ZC3H12B: variants seen among roughly 807,000 people sequenced by gnomAD.
ZC3H12B encodes probable ribonuclease ZC3H12B.
In ZC3H12B, 7 loss-of-function variants were observed where a neutral mutation model predicts 43.9. The observed-to-expected ratio is 0.16, with a 90% CI of 0.09 to 0.30. ZC3H12B has a LOEUF of 0.30. Ranked by LOEUF, ZC3H12B falls within the 10% of genes least tolerant of loss-of-function variation. The probability of loss-of-function intolerance (pLI) is 1.00; values close to 1 mark genes in which losing one functional copy is unlikely to be tolerated. For synonymous variants in ZC3H12B, 222 were observed against 241.7 expected (o/e 0.92, Z 0.76); for missense variants, 475 against 670.2 (o/e 0.71, Z 3.22).
At chrX:65,440,789 A>AT (rs1569409528) in intron 3 of ZC3H12B, among the ~76,000 whole-genome samples, 1 of 111,982 alleles carries the variant, frequency 8.9e-6, no homozygotes, top group Non-Finnish European at 1.9e-5. Context: ...CATTTACCTG[A>AT]TTTTTTCTTA....
At chrX:65,333,212 C>A in the ZC3H12B span, among the ~76,000 whole-genome samples, 1 of 111,415 alleles carries the variant, frequency 9.0e-6, no homozygotes, top group Non-Finnish European at 1.9e-5. Flanking sequence ...TACCAAGGGG[C>A]TTTTATTGGC....
chrX:65,080,412 G>A, the ZC3H12B span, among the ~76,000 whole-genome samples: 1 of 110,119 alleles, frequency 9.1e-6, no homozygotes, highest in Non-Finnish European at 1.9e-5. Flanking sequence ...ACTGAAAGAA[G>A]ACTACCTCAA....
intron 3 of ZC3H12B, among the ~76,000 whole-genome samples, chrX:65,411,798 G>A (rs187927501): frequency 8.2e-5 from 9 of 109,527 alleles, no homozygotes; most frequent in African/African-American, 2.6e-4. Flanking sequence ...AAGGATAAAT[G>A]CTTGAGTGGA....
the ZC3H12B span, among the ~76,000 whole-genome samples, chrX:65,092,993 G>A: frequency 8.9e-6 from 1 of 111,761 alleles, no homozygotes; most frequent in African/African-American, 3.3e-5. Flanking sequence ...ATGGTTTCAT[G>A]AGCCAGGCCC....
the ZC3H12B span, among the ~76,000 whole-genome samples, chrX:65,209,684 T>C: frequency 9.1e-6 from 1 of 110,312 alleles, no homozygotes; most frequent in East Asian, 2.8e-4. Context: ...TTCGCTACAG[T>C]AACCAAAACA....
the ZC3H12B span, among the ~76,000 whole-genome samples, chrX:65,335,005 CAG>C: frequency 1.8e-5 from 2 of 111,636 alleles, no homozygotes; most frequent in African/African-American, 6.5e-5. Flanking sequence ...TCCGAACGTG[CAG>C]AGAGTGGAGT....
At chrX:65,348,283 A>T in the ZC3H12B span, among the ~76,000 whole-genome samples, 1 of 111,851 alleles carries the variant, frequency 8.9e-6, no homozygotes, top group Non-Finnish European at 1.9e-5. Context: ...AGCTAAGGAG[A>T]AATAAAATCT....
At chrX:65,258,122 G>C in the ZC3H12B span, among the ~76,000 whole-genome samples, 3 of 111,193 alleles carry the variant, frequency 2.7e-5, no homozygotes, top group African/African-American at 9.8e-5. Context: ...GATGAACATA[G>C]ATGCAAAATC....
the ZC3H12B span, chrX:65,186,342 A>G: frequency 9.2e-6 from 1 of 108,963 alleles, no homozygotes; most frequent in African/African-American, 3.3e-5. Context: ...AAAACACAAA[A>G]TTAGTCGGGC....
chrX:65,212,095 ATAG>A, the ZC3H12B span, among the ~76,000 whole-genome samples: 1 of 60,276 alleles, frequency 1.7e-5, no homozygotes, highest in African/African-American at 6.9e-5. Flanking sequence ...TGTATAATAT[ATAG>A]TATATATTGT....
At chrX:65,075,162 G>A in the ZC3H12B span, among the ~76,000 whole-genome samples, 2 of 111,966 alleles carry the variant, frequency 1.8e-5, no homozygotes, top group Non-Finnish European at 3.8e-5. Context: ...TTCTTCTCTG[G>A]ACTTGTATAT....
At chrX:65,302,423 A>G in the ZC3H12B span, among the ~76,000 whole-genome samples, 1 of 111,811 alleles carries the variant, frequency 8.9e-6, no homozygotes, top group East Asian at 2.8e-4. Flanking sequence ...ATTAGCACCC[A>G]ATAAATAAAA....
Position 65,377,819 on chromosome X carries a change from G to A in ZC3H12B, n.295+8821G>A, listed in dbSNP as rs775389783. On this transcript the variant is annotated intron_variant and non_coding_transcript_variant, in intron 2 of 5. Transcript: ENST00000617377. ...GTGAGCAATAAGAAATCATCTGGAGGTCAGTCACAGCAGCTCAGCCTGTAA... is the reference window on the plus strand; with the variant it reads ...GTGAGCAATAAGAAATCATCTGGAGATCAGTCACAGCAGCTCAGCCTGTAA... 4.5e-5 allele frequency among the ~76,000 whole-genome samples: 5 copies of A among 111,508 alleles called. No homozygotes were observed. In the East Asian group the frequency reaches 1.4e-3, roughly 31 times the overall value.
the ZC3H12B span, among the ~76,000 whole-genome samples, chrX:65,148,064 G>T: frequency 9.0e-6 from 1 of 110,675 alleles, no homozygotes; most frequent in Non-Finnish European, 1.9e-5. Context: ...CCCTAAGTCT[G>T]TTGGAGAATG....
chrX:65,430,231 G>A (rs2067139145), intron 3 of ZC3H12B, among the ~76,000 whole-genome samples: 1 of 111,416 alleles, frequency 9.0e-6, no homozygotes, highest in South Asian at 3.8e-4. Flanking sequence ...CTGTGTGTTG[G>A]AGCCAAGGCC....
At chrX:65,330,279 G>C in the ZC3H12B span, among the ~76,000 whole-genome samples, 6 of 111,707 alleles carry the variant, frequency 5.4e-5, no homozygotes, top group Middle Eastern at 4.6e-3. Context: ...TGATGAAGTT[G>C]CTTATCAGCT....
At chrX:65,199,887 T>C in the ZC3H12B span, among the ~76,000 whole-genome samples, 2 of 110,600 alleles carry the variant, frequency 1.8e-5, no homozygotes, top group African/African-American at 6.6e-5. Flanking sequence ...TCTTTGCTAT[T>C]GTGAATAGTG....
At chrX:65,283,725 G>A in the ZC3H12B span, among the ~76,000 whole-genome samples, 4 of 111,236 alleles carry the variant, frequency 3.6e-5, no homozygotes, top group Non-Finnish European at 5.7e-5. Flanking sequence ...GCTAAAGAAA[G>A]GTGTCATTTT....
At chrX:65,418,376 G>T (rs1193375818) in intron 3 of ZC3H12B, among the ~76,000 whole-genome samples, 1 of 111,749 alleles carries the variant, frequency 8.9e-6, no homozygotes, top group Non-Finnish European at 1.9e-5. Flanking sequence ...AAAATCTATT[G>T]TACTCCTATG....
Sources: allele counts gnomAD v4.1 joint callset (sites outside exome capture counted in the v4.1 genomes callset), GRCh38; gene constraint gnomAD v4.1.1; transcripts MANE v1.5; gene names NCBI Gene and HGNC (gene_info 2026-07-23, HGNC 2026-07-21).